SMURF2: variants seen among roughly 807,000 people sequenced by gnomAD.
SMURF2 encodes E3 ubiquitin-protein ligase SMURF2.
A neutral mutation model predicts 109.6 loss-of-function variants in SMURF2; 48 were observed. The ratio of observed to expected loss-of-function variants is 0.44; its 90% CI spans 0.35 to 0.56. The LOEUF is 0.56. SMURF2 is among the 20% of genes least tolerant of loss of function. The pLI is 0.01. For synonymous variants in SMURF2, 288 were observed against 317.1 expected (o/e 0.91, Z 0.97); for missense variants, 575 against 909.0 (o/e 0.63, Z 4.72).
chr17:64,661,100 A>G (rs1287991673), intron 1 of SMURF2, among the ~76,000 whole-genome samples: 1 of 152,152 alleles, frequency 6.6e-6, no homozygotes. Flanking sequence ...GTGTGTTTTT[A>G]AAGCAGGTCT....
chr17:64,649,928 T>C (rs1364710781), intron 1 of SMURF2, among the ~76,000 whole-genome samples: 2 of 152,070 alleles, frequency 1.3e-5, no homozygotes, highest in Non-Finnish European at 2.9e-5. Context: ...CTTCATGATA[T>C]GCTGATACAA....
At chr17:64,650,080 CA>C (rs1305750978) in intron 1 of SMURF2, among the ~76,000 whole-genome samples, 1 of 151,866 alleles carries the variant, frequency 6.6e-6, no homozygotes, top group Non-Finnish European at 1.5e-5. Context: ...CGGTTTTCAC[CA>C]ATTTCTTTAA....
At chr17:64,604,298 T>G (rs1019453295) in intron 2 of SMURF2, among the ~76,000 whole-genome samples, 4 of 152,164 alleles carry the variant, frequency 2.6e-5, no homozygotes, top group Admixed American at 1.3e-4. Flanking sequence ...TCACACTGTT[T>G]CCCCTAATCT....
intron 2 of SMURF2, among the ~76,000 whole-genome samples, chr17:64,599,833 AAGG>A (rs570641163): frequency 1.6e-3 from 250 of 152,326 alleles, no homozygotes; most frequent in Non-Finnish European, 3.1e-3. Context: ...CATACAGGAG[AAGG>A]AGGACTTTCC....
intron 2 of SMURF2, among the ~76,000 whole-genome samples, chr17:64,603,746 T>C (rs9895689): frequency 0.087 from 13,290 of 152,044 alleles, 1,311 homozygotes; most frequent in African/African-American, 0.24. Context: ...TGACTTATTT[T>C]TAAAAGCCAA....
intron 1 of SMURF2, among the ~76,000 whole-genome samples, chr17:64,653,654 C>T (rs1970667661): frequency 6.6e-6 from 1 of 151,998 alleles, no homozygotes; most frequent in African/African-American, 2.4e-5. Context: ...TGCCATGTTG[C>T]CCAGGCTGGT....
At chr17:64,575,650 G>A (rs2144628718) in intron 9 of SMURF2, among the ~76,000 whole-genome samples, 1 of 152,016 alleles carries the variant, frequency 6.6e-6, no homozygotes, top group Middle Eastern at 3.4e-3. Flanking sequence ...AGACTAGCTA[G>A]TCACATCTGT....
chr17:64,656,500 TATAAC>T (rs1201209925), intron 1 of SMURF2, among the ~76,000 whole-genome samples: 9 of 152,312 alleles, frequency 5.9e-5, no homozygotes, highest in South Asian at 2.1e-4. Context: ...AGCTTATACT[TATAAC>T]AGAATAGTAA....
chr17:64,615,012 A>G (rs926254152), intron 1 of SMURF2, among the ~76,000 whole-genome samples: 1 of 152,212 alleles, frequency 6.6e-6, no homozygotes, highest in Non-Finnish European at 1.5e-5. Flanking sequence ...TTAGGTCAAT[A>G]ATTTATTTTT....
intron 2 of SMURF2, among the ~76,000 whole-genome samples, chr17:64,602,939 A>T (rs1050419334): frequency 6.6e-6 from 1 of 151,252 alleles, no homozygotes; most frequent in African/African-American, 2.4e-5. Flanking sequence ...GAAAAAAAAA[A>T]TTTTTTTTTG....
chr17:64,562,312 A>G (rs558758638), intron 11 of SMURF2, among the ~76,000 whole-genome samples: 99 of 148,342 alleles, frequency 6.7e-4, no homozygotes, highest in South Asian at 1.7e-3. Flanking sequence ...AAAAAAAAAA[A>G]AGAGAGAGAG....
intron 1 of SMURF2, among the ~76,000 whole-genome samples, chr17:64,623,044 G>A (rs982289612): frequency 4.6e-5 from 7 of 151,984 alleles, no homozygotes; most frequent in African/African-American, 1.5e-4. Flanking sequence ...CCATTGGTTC[G>A]TGTGTTCCTT....
At chr17:64,563,038 G>T in intron 10 of SMURF2, 72 bp from the exon 11 acceptor site, 2 of 1,271,318 alleles carry the variant, frequency 1.6e-6, no homozygotes, top group Non-Finnish European at 2.2e-6. Flanking sequence ...ATTTAAAATA[G>T]CATCATATTA....
At chr17:64,655,315 G>A (rs1480615937) in intron 1 of SMURF2, among the ~76,000 whole-genome samples, 5 of 136,134 alleles carry the variant, frequency 3.7e-5, no homozygotes, top group African/African-American at 1.4e-4. Context: ...AGGCTGGAGT[G>A]CAGTGGCATG....
At chr17:64,569,072 C>A (rs1051662966) in intron 10 of SMURF2, among the ~76,000 whole-genome samples, 2 of 151,690 alleles carry the variant, frequency 1.3e-5, no homozygotes, top group African/African-American at 4.8e-5. Flanking sequence ...CCGAGGCGGG[C>A]AGATCACCTG....
intron 8 of SMURF2, among the ~76,000 whole-genome samples, chr17:64,579,713 T>C (rs1969553350): frequency 6.6e-6 from 1 of 152,188 alleles, no homozygotes; most frequent in South Asian, 2.1e-4. Context: ...AAATTAGATA[T>C]CACTGATTTC....
chr17:64,557,210 T>C lies in SMURF2; in HGVS notation c.1431+398A>G, dbSNP rs113836255. ...CTCTTTGAGGTACAAATGTATTTAT[T>C]AGCAATGACAAAACTGAAGCTTAAG... On this transcript the variant is annotated intron_variant, in intron 13 of 18. Coordinates refer to ENST00000262435, the MANE Select transcript of SMURF2 (RefSeq NM_022739.4). 3.7e-3 allele frequency among the ~76,000 whole-genome samples: 564 copies of C among 152,332 alleles called. 1 individual carries two copies. The highest frequency in any genetic ancestry group is 0.013 in the African/African-American group (543 of 41,582).
chr17:64,581,074 T>G lies in SMURF2; in HGVS notation c.570-83A>C. On this transcript the variant is annotated intron_variant, in intron 7 of 18. Transcript: ENST00000262435. The surrounding 1 kb of genome is among the most constrained non-coding windows in gnomAD (Gnocchi z 4.3). ...TCTAGACAATATATATATACTGCAG[T>G]AACAACCACTTATCATGTCTGAAAA... 2.5e-3 allele frequency: 2,505 copies of G among 997,222 alleles called. No homozygotes were observed. The highest frequency in any genetic ancestry group is 3.6e-3 in the Non-Finnish European group (2,291 of 643,652). 61.8% of individuals were successfully genotyped at this position (997,222 alleles called of 1,614,324 possible).
At chr17:64,643,455 G>C (rs1970516487) in intron 1 of SMURF2, among the ~76,000 whole-genome samples, 1 of 152,062 alleles carries the variant, frequency 6.6e-6, no homozygotes, top group African/African-American at 2.4e-5. Context: ...CCTTTACCCT[G>C]TGCCCTAGGA....
Sources: allele counts gnomAD v4.1 joint callset (sites outside exome capture counted in the v4.1 genomes callset), GRCh38; gene constraint gnomAD v4.1.1; non-coding constraint Gnocchi (gnomAD v3.1); transcripts MANE v1.5; gene names NCBI Gene and HGNC (gene_info 2026-07-23, HGNC 2026-07-21).